The following ADAMTS3 variants were observed in gnomAD, a reference collection of about 807,000 sequenced individuals.
ADAMTS3 encodes ADAM metallopeptidase with thrombospondin type 1 motif 3.
ADAMTS3 carries 73 observed loss-of-function variants against 129.0 expected under a neutral mutation model. The observed-to-expected ratio is 0.57, with a 90% confidence interval of 0.47 to 0.69. The LOEUF (loss-of-function observed/expected upper bound fraction) is 0.69. Among genes scored for constraint, ADAMTS3 ranks in the 30% least tolerant of loss-of-function variants. The pLI is 0.00. For missense variants in ADAMTS3, 1,457 were observed against 1,514.5 expected (o/e 0.96, Z 0.63); for synonymous variants, 477 against 510.8 (o/e 0.93, Z 0.89).
chr4:72,337,175 TTAAG>T (rs1183598257), intron 5 of ADAMTS3, among the ~76,000 whole-genome samples: 1 of 152,176 alleles, frequency 6.6e-6, no homozygotes, highest in African/African-American at 2.4e-5. Context: ...AACTAATATA[TTAAG>T]TATTAAAAAA....
chr4:72,353,901 G>A (rs1326114378), intron 4 of ADAMTS3, among the ~76,000 whole-genome samples: 1 of 151,838 alleles, frequency 6.6e-6, no homozygotes, highest in Non-Finnish European at 1.5e-5. Context: ...ATTCTTTACT[G>A]TTGTGGAGTT....
At chr4:72,539,491 G>GAAAAAAA (rs71215438) in intron 3 of ADAMTS3, among the ~76,000 whole-genome samples, 8 of 86,592 alleles carry the variant, frequency 9.2e-5, no homozygotes, top group African/African-American at 1.7e-4. Flanking sequence ...GCTACTATCA[G>GAAAAAAA]AAAAAAAAAA....
chr4:72,419,687 T>C (rs1722395961), intron 3 of ADAMTS3, among the ~76,000 whole-genome samples: 1 of 152,160 alleles, frequency 6.6e-6, no homozygotes, highest in South Asian at 2.1e-4. Context: ...ACAATTCTTC[T>C]TCCAATGTGG....
chr4:72,460,478 T>C (rs1359657963), intron 3 of ADAMTS3, among the ~76,000 whole-genome samples: 1 of 151,400 alleles, frequency 6.6e-6, no homozygotes, highest in Non-Finnish European at 1.5e-5. Context: ...AACTAGCTTG[T>C]AACAATAATT....
At chr4:72,298,871 G>C (rs1049602608) in intron 17 of ADAMTS3, among the ~76,000 whole-genome samples, 66 of 148,870 alleles carry the variant, frequency 4.4e-4, no homozygotes, top group Non-Finnish European at 7.5e-4. Flanking sequence ...AAAAATTTTG[G>C]TGCATTTTAA....
At chr4:72,326,101 A>AC (rs2086075428) in intron 5 of ADAMTS3, among the ~76,000 whole-genome samples, 1 of 152,156 alleles carries the variant, frequency 6.6e-6, no homozygotes, top group Non-Finnish European at 1.5e-5. Context: ...AAACAGGGTG[A>AC]CCCAGTAGAA....
intron 4 of ADAMTS3, among the ~76,000 whole-genome samples, chr4:72,347,135 G>C (rs1720306977): frequency 6.6e-6 from 1 of 152,030 alleles, no homozygotes; most frequent in African/African-American, 2.4e-5. Flanking sequence ...TGCTAGAAGA[G>C]GAAAGTGGAG....
In ADAMTS3 at chr4:72,454,302, G is replaced by A. The variant is rs138360232; in HGVS notation, c.505-39331C>T. Reference sequence around the variant, plus strand: ...TAAGTTAGTTGTAAAATAATCTCCTGTTGAAAGGACTAGAATAAATTAATA... The same window carrying A: ...TAAGTTAGTTGTAAAATAATCTCCTATTGAAAGGACTAGAATAAATTAATA... On this transcript the variant is annotated intron_variant, in intron 3 of 21. Transcript: ENST00000286657. Among the ~76,000 whole-genome samples, 305 of 151,622 alleles carry A rather than the reference G, an allele frequency of 2.0e-3. 1 individual carries two copies. Among genetic ancestry groups the A allele is most frequent in the African/African-American group, 6.9e-3 (287 of 41,444 alleles).
At chr4:72,445,058 A>G (rs1718216249) in intron 3 of ADAMTS3, among the ~76,000 whole-genome samples, 1 of 151,548 alleles carries the variant, frequency 6.6e-6, no homozygotes, top group Non-Finnish European at 1.5e-5. Context: ...ATGAGAGGAA[A>G]TGGAGACTGA....
intron 4 of ADAMTS3, among the ~76,000 whole-genome samples, chr4:72,358,666 T>G (rs1018097589): frequency 3.9e-5 from 6 of 152,056 alleles, no homozygotes; most frequent in Non-Finnish European, 8.8e-5. Context: ...CTCTTAGTCC[T>G]TGCAATGTAG....
At chr4:72,291,642 G>C (rs557839972) in intron 19 of ADAMTS3, among the ~76,000 whole-genome samples, 1 of 151,668 alleles carries the variant, frequency 6.6e-6, no homozygotes, top group East Asian at 1.9e-4. Context: ...TCTTAATCCA[G>C]TCTATCATTG....
chr4:72,420,579 G>A (rs934954307), intron 3 of ADAMTS3, among the ~76,000 whole-genome samples: 3 of 152,104 alleles, frequency 2.0e-5, no homozygotes, highest in African/African-American at 7.2e-5. Flanking sequence ...CATGTTCATT[G>A]TTTATTGTTA....
chr4:72,509,051 G>A (rs2110031937), intron 3 of ADAMTS3, among the ~76,000 whole-genome samples: 1 of 151,920 alleles, frequency 6.6e-6, no homozygotes, highest in Non-Finnish European at 1.5e-5. Context: ...AAATTGAGAA[G>A]GAAATTGAAA....
chr4:72,502,865 C>G (rs1421132403), intron 3 of ADAMTS3, among the ~76,000 whole-genome samples: 1 of 152,066 alleles, frequency 6.6e-6, no homozygotes, highest in South Asian at 2.1e-4. Context: ...GTTATCCCTC[C>G]CCTAGCCCGC....
intron 2 of ADAMTS3, among the ~76,000 whole-genome samples, chr4:72,552,862 C>T (rs1239298164): frequency 6.6e-6 from 1 of 152,124 alleles, no homozygotes; most frequent in Non-Finnish European, 1.5e-5. Context: ...TCTTACCTTT[C>T]GCCATAAATC....
In ADAMTS3 at chr4:72,298,455, T is replaced by G; in HGVS notation, c.2425-13A>C. 6.4e-7 allele frequency: 1 copy of G among 1,562,352 alleles called. No homozygotes were observed. Among genetic ancestry groups the G allele is most frequent in the African/African-American group, 1.3e-5 (1 of 74,254 alleles). The stretch of plus-strand genomic sequence containing the variant: ...CTTGAGGTATAATCTAACATACACA[T>G]GAAATCAATATGTAAATCACCTGAG... On this transcript the variant is annotated splice_polypyrimidine_tract_variant and intron_variant, in intron 17 of 21. Coordinates refer to ENST00000286657, the MANE Select transcript of ADAMTS3 (RefSeq NM_014243.3).
chr4:72,471,755 T>A (rs754198336), intron 3 of ADAMTS3, among the ~76,000 whole-genome samples: 9 of 152,112 alleles, frequency 5.9e-5, no homozygotes, highest in Non-Finnish European at 8.8e-5. Flanking sequence ...TGTTAATATA[T>A]GCCAAGTTTA....
intron 3 of ADAMTS3, among the ~76,000 whole-genome samples, chr4:72,526,425 C>G (rs540601204): frequency 6.6e-6 from 1 of 152,092 alleles, no homozygotes; most frequent in Non-Finnish European, 1.5e-5. Flanking sequence ...CTAGCTATCC[C>G]ATCTGGCAAT....
intron 4 of ADAMTS3, among the ~76,000 whole-genome samples, chr4:72,394,812 T>C (rs990341925): frequency 2.6e-5 from 4 of 152,210 alleles, no homozygotes; most frequent in Non-Finnish European, 4.4e-5. Flanking sequence ...ATTAGATATA[T>C]TATTCAATTA....
Sources: allele counts gnomAD v4.1 joint callset (sites outside exome capture counted in the v4.1 genomes callset), GRCh38; gene constraint gnomAD v4.1.1; transcripts MANE v1.5; gene names NCBI Gene and HGNC (gene_info 2026-07-23, HGNC 2026-07-21).